Variants in KRTAP10-12 observed in about 807,000 individuals in gnomAD.
The protein encoded by KRTAP10-12 is keratin-associated protein 10-12.
For synonymous variants in KRTAP10-12, 142 were observed against 139.1 expected (o/e 1.02, Z -0.14); for missense variants, 311 against 324.4 (o/e 0.96, Z 0.32).
In KRTAP10-12 at chr21:44,697,792, C is replaced by T. The variant is rs782173699; in HGVS notation, c.591C>T (p.Leu197=). 2.1e-5 allele frequency: 34 copies of T among 1,613,778 alleles called. No homozygotes were observed. The Admixed American group carries it at 2.7e-4, about 13-fold the overall frequency. Residue 197 remains leucine (L), a synonymous_variant, in exon 1 of 1, where the codon CTC becomes CTT. Coordinates refer to ENST00000400365, the MANE Select transcript of KRTAP10-12 (RefSeq NM_198699.1). The part of the protein sequence containing the change: ...SCCRPSSSVS[L]LCRPVCRPAR... ...GCAGACCCTCCTCCTCCGTGTCCCTCCTCTGCCGCCCTGTGTGCAGACCCG... is the reference window on the plus strand; with the variant it reads ...GCAGACCCTCCTCCTCCGTGTCCCTTCTCTGCCGCCCTGTGTGCAGACCCG...
chr21:44,697,569 T>C lies in KRTAP10-12; in HGVS notation c.368T>C (p.Val123Ala), dbSNP rs782699098. 5.0e-6 allele frequency: 8 copies of C among 1,612,562 alleles called. No homozygotes were observed. The highest frequency in any genetic ancestry group is 2.2e-5 in the East Asian group (1 of 44,804). Reference protein sequence around the residue: ...VCCKPVCCMPVCCGPSSSCCQ... With the variant: ...VCCKPVCCMPACCGPSSSCCQ... ...TGCAAGCCTGTGTGCTGTATGCCCG[T>C]CTGCTGTGGGCCTTCTTCTTCATGC... Residue 123 changes from valine (V) to alanine (A), a missense_variant, in exon 1 of 1, where the codon GTC becomes GCC. Transcript: ENST00000400365.
rs1987461370 is a variant in KRTAP10-12 at position 44,697,947 on chromosome 21, G to A, written c.*8G>A. 1.2e-6 allele frequency: 2 copies of A among 1,606,496 alleles called. No homozygotes were observed. Among genetic ancestry groups the A allele is most frequent in the African/African-American group, 2.7e-5 (2 of 74,796 alleles). On this transcript the variant is annotated 3_prime_UTR_variant, in exon 1 of 1. Coordinates refer to ENST00000400365, the MANE Select transcript of KRTAP10-12 (RefSeq NM_198699.1). ...TCCCGCCTGGCCTGCTGAGGCCTCT[G>A]CTCAGGCCAGAAGTCCAGCTGCTGC...
chr21:44,697,703 G>A lies in KRTAP10-12; in HGVS notation c.502G>A (p.Gly168Arg), dbSNP rs1338954842. 2.5e-6 allele frequency: 4 copies of A among 1,612,400 alleles called. No homozygotes were observed. The highest frequency in any genetic ancestry group is 1.4e-5 in the African/African-American group (1 of 74,016). Residue 168 changes from glycine (G) to arginine (R), a missense_variant, in exon 1 of 1, where the codon GGG becomes AGG. Gly to Arg is a moderately radical substitution (Grantham distance 125, BLOSUM62 -2). Coordinates refer to ENST00000400365, the MANE Select transcript of KRTAP10-12 (RefSeq NM_198699.1). ...CATCTGCTGTGTGCCTGTCTGCTCTGGGGCCTCCTCTCTGTGCTGCCAGCA... is the reference window on the plus strand; with the variant it reads ...CATCTGCTGTGTGCCTGTCTGCTCTAGGGCCTCCTCTCTGTGCTGCCAGCA... ...KPICCVPVCS[G>R]ASSLCCQQSS...
rs1555950776 is a variant in KRTAP10-12, at chr21:44,697,348, C to T, written c.147C>T (p.Ser49=). 1 of 1,612,928 alleles carries T rather than the reference C, an allele frequency of 6.2e-7. No individual in the cohort carries two copies. The highest frequency in any genetic ancestry group is 1.1e-5 in the South Asian group (1 of 91,040). ...PPCCAPAPCL[S]LVCTPVSRVS... ...GCTGCGCCCCGGCCCCCTGCCTGAG[C>T]CTGGTCTGCACCCCAGTGAGCCGTG... Residue 49 remains serine (S), a synonymous_variant, in exon 1 of 1, where the codon AGC becomes AGT. Transcript: ENST00000400365.
In KRTAP10-12 at chr21:44,697,369, C is replaced by T. The variant is rs1555950783; in HGVS notation, c.168C>T (p.Ser56=). 6.2e-7 allele frequency: 1 copy of T among 1,613,360 alleles called. No homozygotes were observed. ...PCLSLVCTPV[S]RVSSPCCRVT... ...TGAGCCTGGTCTGCACCCCAGTGAGCCGTGTATCCAGCCCCTGCTGCCGAG... is the reference window on the plus strand; with the variant it reads ...TGAGCCTGGTCTGCACCCCAGTGAGTCGTGTATCCAGCCCCTGCTGCCGAG... The change falls in exon 1 of 1, where the codon AGC becomes AGT. Residue 56 remains serine (S), a synonymous_variant. Transcript: ENST00000400365.
rs1466823636 is a variant in KRTAP10-12, at chr21:44,697,812, G to A, written c.611G>A (p.Arg204Lys). The A allele has an allele frequency of 1.9e-6, 3 of 1,612,762 alleles. No homozygotes were observed. Among genetic ancestry groups the A allele is most frequent in the Non-Finnish European group, 2.5e-6 (3 of 1,179,666 alleles). The change falls in exon 1 of 1, where the codon AGA becomes AAA. Residue 204 changes from arginine to lysine, a missense_variant. Coordinates refer to ENST00000400365, the MANE Select transcript of KRTAP10-12 (RefSeq NM_198699.1). ...TCCCTCCTCTGCCGCCCTGTGTGCA[G>A]ACCCGCCCGCCGCGTGCCCGTCCCC... Reference protein sequence around the residue: ...SVSLLCRPVCRPARRVPVPSC... With the variant: ...SVSLLCRPVCKPARRVPVPSC...
rs1555950874 is a variant in KRTAP10-12 at position 44,697,554 on chromosome 21, T to C, written c.353T>C (p.Val118Ala). 1.2e-6 allele frequency: 2 copies of C among 1,613,662 alleles called. No homozygotes were observed. ...TGCAAGACTGTCTGCTGCAAGCCTG[T>C]GTGCTGTATGCCCGTCTGCTGTGGG... is the stretch of plus-strand genomic sequence containing the variant. ...VCCKTVCCKP[V>A]CCMPVCCGPS... Residue 118 changes from valine (V) to alanine (A), a missense_variant, in exon 1 of 1, where the codon GTG becomes GCG. Transcript: ENST00000400365.
At position 44,697,567 on chromosome 21, in the gene KRTAP10-12, C is replaced by T. The variant is rs781973731; in HGVS notation, c.366C>T (p.Pro122=). 24 of 1,613,776 alleles carry T rather than the reference C, an allele frequency of 1.5e-5. No homozygotes were observed. Among genetic ancestry groups the T allele is most frequent in the Non-Finnish European group, 1.9e-5 (22 of 1,179,920 alleles). The part of the protein sequence containing the change: ...TVCCKPVCCM[P]VCCGPSSSCC... The stretch of plus-strand genomic sequence containing the variant: ...GCTGCAAGCCTGTGTGCTGTATGCC[C>T]GTCTGCTGTGGGCCTTCTTCTTCAT... Residue 122 remains proline, a synonymous_variant, in exon 1 of 1, where the codon CCC becomes CCT. Coordinates refer to ENST00000400365, the MANE Select transcript of KRTAP10-12 (RefSeq NM_198699.1).
In KRTAP10-12 at chr21:44,697,876, C is replaced by T. The variant is rs891265466; in HGVS notation, c.675C>T (p.Cys225=). The T allele has an allele frequency of 6.9e-6, 11 of 1,603,578 alleles. No homozygotes were observed. The highest frequency in any genetic ancestry group is 1.3e-5 in the African/African-American group (1 of 74,418). The change falls in exon 1 of 1, where the codon TGC becomes TGT. Residue 225 remains cysteine, a synonymous_variant. Transcript: ENST00000400365. ...CVPTSSCQPS[C]GRLASCGSLL... The stretch of plus-strand genomic sequence containing the variant: ...CCACCTCCTCCTGCCAGCCAAGCTG[C>T]GGCCGCCTGGCCTCCTGCGGGTCCC...
At position 44,697,174 on chromosome 21, in the gene KRTAP10-12, C is replaced by A. The variant is rs782543561; in HGVS notation, c.-28C>A. The A allele has an allele frequency of 3.1e-6, 5 of 1,605,502 alleles. No individual in the cohort carries two copies. Among genetic ancestry groups the A allele is most frequent in the African/African-American group, 1.3e-5 (1 of 74,988 alleles). On this transcript the variant is annotated 5_prime_UTR_variant, in exon 1 of 1. Coordinates refer to ENST00000400365, the MANE Select transcript of KRTAP10-12 (RefSeq NM_198699.1). ...ACTGTCTCCCTCTCAGCTCCCCCAG[C>A]TCAACCCCCAGCACGGCTGCATCCA...
chr21:44,697,597 C>G lies in KRTAP10-12; in HGVS notation c.396C>G (p.Cys132Trp). The change falls in exon 1 of 1, where the codon TGC (cysteine) becomes TGG (tryptophan). Residue 132 changes from cysteine (C) to tryptophan (W), a missense_variant. Cys to Trp is a radical substitution (Grantham distance 215). Coordinates refer to ENST00000400365, the MANE Select transcript of KRTAP10-12 (RefSeq NM_198699.1). ...PVCCGPSSSC[C>W]QQSSCQPACC... ...GCTGTGGGCCTTCTTCTTCATGCTG[C>G]CAGCAGTCTAGCTGCCAGCCAGCTT... is the stretch of plus-strand genomic sequence containing the variant. The G allele has an allele frequency of 1.5e-5, 25 of 1,614,098 alleles. No individual in the cohort carries two copies. Among genetic ancestry groups the G allele is most frequent in the Non-Finnish European group, 2.1e-5 (25 of 1,179,990 alleles).
Position 44,697,363 on chromosome 21 carries a change from A to G in KRTAP10-12, c.162A>G (p.Pro54=), listed in dbSNP as rs1226451284. Residue 54 remains proline (P), a synonymous_variant, in exon 1 of 1, where the codon CCA becomes CCG. Transcript: ENST00000400365. ...PAPCLSLVCT[P]VSRVSSPCCR... is the part of the protein sequence containing the mutation. ...CCTGCCTGAGCCTGGTCTGCACCCC[A>G]GTGAGCCGTGTATCCAGCCCCTGCT... 2.5e-6 allele frequency: 4 copies of G among 1,613,016 alleles called. No individual in the cohort carries two copies. Among genetic ancestry groups the G allele is most frequent in the African/African-American group, 2.7e-5 (2 of 74,806 alleles).
In KRTAP10-12 at chr21:44,697,431, C is replaced by A; in HGVS notation, c.230C>A (p.Thr77Asn). The change falls in exon 1 of 1, where the codon ACC becomes AAC. Residue 77 changes from threonine (T) to asparagine (N), a missense_variant. Coordinates refer to ENST00000400365, the MANE Select transcript of KRTAP10-12 (RefSeq NM_198699.1). ...CEPSPCQSGC[T>N]SSCTPSCCQQ... ...CCCAGCCCCTGCCAATCAGGCTGCA[C>A]CAGCTCCTGCACGCCCTCGTGCTGC... 2 of 1,613,822 alleles carry A rather than the reference C, an allele frequency of 1.2e-6. No individual in the cohort carries two copies. Among genetic ancestry groups the A allele is most frequent in the East Asian group, 2.2e-5 (1 of 44,860 alleles).
chr21:44,697,877 G>T lies in KRTAP10-12; in HGVS notation c.676G>T (p.Gly226Cys). The change falls in exon 1 of 1, where the codon GGC becomes TGC. Residue 226 changes from glycine to cysteine, a missense_variant. Gly to Cys is a radical substitution (Grantham distance 159, BLOSUM62 -3). Coordinates refer to ENST00000400365, the MANE Select transcript of KRTAP10-12 (RefSeq NM_198699.1). The part of the protein sequence containing the change: ...VPTSSCQPSC[G>C]RLASCGSLLC... ...CACCTCCTCCTGCCAGCCAAGCTGC[G>T]GCCGCCTGGCCTCCTGCGGGTCCCT... 1.2e-6 allele frequency: 2 copies of T among 1,612,606 alleles called. No individual in the cohort carries two copies. Among genetic ancestry groups the T allele is most frequent in the Non-Finnish European group, 1.7e-6 (2 of 1,179,492 alleles).
chr21:44,697,943 C>A lies in KRTAP10-12; in HGVS notation c.*4C>A. 1 of 1,609,006 alleles carries A rather than the reference C, an allele frequency of 6.2e-7. No individual in the cohort carries two copies. The highest frequency in any genetic ancestry group is 8.5e-7 in the Non-Finnish European group (1 of 1,177,042). ...ATGTTCCCGCCTGGCCTGCTGAGGC[C>A]TCTGCTCAGGCCAGAAGTCCAGCTG... On this transcript the variant is annotated 3_prime_UTR_variant, in exon 1 of 1. Coordinates refer to ENST00000400365, the MANE Select transcript of KRTAP10-12 (RefSeq NM_198699.1).
rs558948883 is a variant in KRTAP10-12 at position 44,697,320 on chromosome 21, C to CAG, written c.119_120insAG (p.Cys41AlafsTer9). 9.9e-6 allele frequency: 16 copies of CAG among 1,612,820 alleles called. 1 individual carries two copies. Among genetic ancestry groups the CAG allele is most frequent in the African/African-American group, 9.4e-5 (7 of 74,486 alleles). On this transcript the variant is annotated frameshift_variant, in exon 1 of 1. Transcript: ENST00000400365. LOFTEE classifies it low-confidence loss of function (END_TRUNC). Reference sequence around the variant, plus strand: ...TGCCCAGAGAGCTGCTGTGAGCCCCCCTGCTGCGCCCCGGCCCCCTGCCTG... The same window carrying CAG: ...TGCCCAGAGAGCTGCTGTGAGCCCCCAGCTGCTGCGCCCCGGCCCCCTGCCTG...
Position 44,697,193 on chromosome 21 carries a change from G to C in KRTAP10-12, c.-9G>C, listed in dbSNP as rs782186921. On this transcript the variant is annotated 5_prime_UTR_variant, in exon 1 of 1. Coordinates refer to ENST00000400365, the MANE Select transcript of KRTAP10-12 (RefSeq NM_198699.1). ...CCCCAGCTCAACCCCCAGCACGGCT[G>C]CATCCACCATGTCCGTCTGCTCCAG... 2.0e-5 allele frequency: 32 copies of C among 1,612,146 alleles called. No individual in the cohort carries two copies. The highest frequency in any genetic ancestry group is 2.7e-5 in the Non-Finnish European group (32 of 1,179,094).
chr21:44,697,420 A>G lies in KRTAP10-12; in HGVS notation c.219A>G (p.Gln73=). The G allele has an allele frequency of 6.2e-7, 1 of 1,613,814 alleles. No homozygotes were observed. The highest frequency in any genetic ancestry group is 8.5e-7 in the Non-Finnish European group (1 of 1,179,978). Residue 73 remains glutamine (Q), a synonymous_variant, in exon 1 of 1, where the codon CAA becomes CAG. Transcript: ENST00000400365. ...CRVTCEPSPC[Q]SGCTSSCTPS... Reference sequence around the variant, plus strand: ...TGACCTGTGAGCCCAGCCCCTGCCAATCAGGCTGCACCAGCTCCTGCACGC... The same window carrying G: ...TGACCTGTGAGCCCAGCCCCTGCCAGTCAGGCTGCACCAGCTCCTGCACGC...
chr21:44,697,793 C>G lies in KRTAP10-12; in HGVS notation c.592C>G (p.Leu198Val), dbSNP rs1987444413. The change falls in exon 1 of 1, where the codon CTC becomes GTC. Residue 198 changes from leucine to valine, a missense_variant. By Grantham distance (32) the Leu-to-Val change is conservative. Transcript: ENST00000400365. ...CAGACCCTCCTCCTCCGTGTCCCTC[C>G]TCTGCCGCCCTGTGTGCAGACCCGC... ...CCRPSSSVSL[L>V]CRPVCRPARR... The G allele has an allele frequency of 6.2e-7, 1 of 1,613,692 alleles. No homozygotes were observed. Among genetic ancestry groups the G allele is most frequent in the African/African-American group, 1.3e-5 (1 of 74,874 alleles).
Sources: gnomAD v4.1 joint callset for allele counts on GRCh38, gnomAD v4.1.1 for gene constraint, MANE v1.5 for transcripts, NCBI Gene and HGNC (gene_info 2026-07-23, HGNC 2026-07-21) for gene names.